The following SORCS3 variants were observed in gnomAD, a reference collection of about 807,000 sequenced individuals.
The protein encoded by SORCS3 is sortilin related VPS10 domain containing receptor 3.
SORCS3 carries 57 observed loss-of-function variants against 146.3 expected under a neutral mutation model. The observed-to-expected ratio is 0.39, with a 90% confidence interval of 0.31 to 0.49. The LOEUF is 0.49. Ranked by LOEUF, SORCS3 falls within the 20% of genes least tolerant of loss-of-function variation. The pLI, the probability that SORCS3 is intolerant of heterozygous loss-of-function variation, is 0.92. For missense variants in SORCS3, 1,341 were observed against 1,575.5 expected (o/e 0.85, Z 2.52); for synonymous variants, 653 against 618.5 (o/e 1.06, Z -0.83).
chr10:104,957,055 A>C (rs939169964), intron 3 of SORCS3, among the ~76,000 whole-genome samples: 2 of 152,170 alleles, frequency 1.3e-5, no homozygotes, highest in African/African-American at 2.4e-5. Context: ...TGCTGGGTGC[A>C]TGGACATTCA....
chr10:105,256,289 G>T (rs746266401), intron 24 of SORCS3, among the ~76,000 whole-genome samples: 27 of 152,116 alleles, frequency 1.8e-4, no homozygotes, highest in Non-Finnish European at 2.9e-4. Flanking sequence ...ATCTAAAAAG[G>T]CATGTCCCAT....
At chr10:105,043,968 TCTTA>T (rs749366160) in intron 5 of SORCS3, among the ~76,000 whole-genome samples, 3 of 152,180 alleles carry the variant, frequency 2.0e-5, no homozygotes, top group Non-Finnish European at 2.9e-5. Context: ...TGAAAATGAT[TCTTA>T]CTTTTATCTT....
chr10:104,915,692 T>C (rs2019019404), intron 2 of SORCS3, 141 bp from the exon 3 acceptor site: 1 of 679,098 alleles, frequency 1.5e-6, no homozygotes, highest in East Asian at 2.7e-5. Context: ...CTAAAATTAA[T>C]GGGGCTTTTT....
rs556745005 is a variant in SORCS3 at position 105,068,609 on chromosome 10, A to C, written c.1029-21166A>C. Among the ~76,000 whole-genome samples the C allele has an allele frequency of 4.9e-4, 75 of 152,294 alleles. 1 individual carries two copies. Among genetic ancestry groups the C allele is most frequent in the African/African-American group, 1.7e-3 (71 of 41,562 alleles). On this transcript the variant is annotated intron_variant, in intron 5 of 26. Transcript: ENST00000369701. The stretch of plus-strand genomic sequence containing the variant: ...AAACTTCTGCTGCTGAAGTCGAGAG[A>C]ATTATTTAAAAAAAATTAAAGCGTA...
chr10:105,060,208 T>G (rs1024062220), intron 5 of SORCS3, among the ~76,000 whole-genome samples: 2 of 152,152 alleles, frequency 1.3e-5, no homozygotes, highest in South Asian at 4.1e-4. Context: ...TTGTGGATCC[T>G]CTGGCATGGT....
At position 104,641,588 on chromosome 10, in the gene SORCS3, A is replaced by G; in HGVS notation, c.261A>G (p.Pro87=). ...CCGTGCTGGGGCGCCGGGCCGGACCAGAGCTGCTGCCCCAGCAGGGCGGCG... is the reference window on the plus strand; with the variant it reads ...CCGTGCTGGGGCGCCGGGCCGGACCGGAGCTGCTGCCCCAGCAGGGCGGCG... ...RAAVLGRRAG[P]ELLPQQGGGR... Residue 87 remains proline (P), a synonymous_variant, in exon 1 of 27, where the codon CCA becomes CCG. Transcript: ENST00000369701. This position sits in a 1 kb window ranked among gnomAD's most constrained non-coding sequence, Gnocchi z 6.4. 1 of 1,507,968 alleles carries G rather than the reference A, an allele frequency of 6.6e-7. No homozygotes were observed. The allele number at this position is 1,507,968 out of a possible 1,614,324, so 93.4% of individuals were successfully genotyped here. A position where few individuals can be genotyped will look rare whatever the true frequency, so the allele number is the denominator to read the frequency against.
chr10:104,677,871 G>C (rs962725095), intron 1 of SORCS3, among the ~76,000 whole-genome samples: 10 of 152,196 alleles, frequency 6.6e-5, no homozygotes, highest in Non-Finnish European at 1.2e-4. Flanking sequence ...GAGAGAGAGA[G>C]AGACTGACTG....
chr10:105,043,007 C>A, intron 4 of SORCS3, 48 bp from the exon 5 acceptor site: 1 of 1,531,152 alleles, frequency 6.5e-7, no homozygotes, highest in Non-Finnish European at 9.1e-7. Context: ...GTATTCATGC[C>A]CAGCAGTGGT....
chr10:105,193,864 G>A (rs969596551), intron 14 of SORCS3, among the ~76,000 whole-genome samples: 7 of 152,110 alleles, frequency 4.6e-5, no homozygotes, highest in Admixed American at 2.0e-4. Context: ...CATGTTAGCA[G>A]TGTAGGCATT....
intron 3 of SORCS3, among the ~76,000 whole-genome samples, chr10:104,977,112 CCTT>C (rs2054903658): frequency 1.3e-5 from 2 of 151,390 alleles, no homozygotes; most frequent in Non-Finnish European, 1.5e-5. Context: ...AAAAATGAAA[CCTT>C]CTTCTATATG....
At chr10:104,967,455 C>G (rs757044591) in intron 3 of SORCS3, among the ~76,000 whole-genome samples, 1 of 152,246 alleles carries the variant, frequency 6.6e-6, no homozygotes, top group African/African-American at 2.4e-5. Flanking sequence ...GCACATTGTA[C>G]AGCATATCTC....
chr10:104,861,826 A>G (rs1380903511), intron 2 of SORCS3, among the ~76,000 whole-genome samples: 4 of 152,064 alleles, frequency 2.6e-5, no homozygotes, highest in Non-Finnish European at 5.9e-5. Context: ...TGAGTCTGAG[A>G]TTGAGGTGTT....
intron 3 of SORCS3, among the ~76,000 whole-genome samples, chr10:104,967,455 C>T (rs757044591): frequency 5.3e-5 from 8 of 152,128 alleles, no homozygotes; most frequent in Non-Finnish European, 1.2e-4. Flanking sequence ...GCACATTGTA[C>T]AGCATATCTC....
intron 1 of SORCS3, among the ~76,000 whole-genome samples, chr10:104,820,277 G>T (rs554804501): frequency 6.6e-6 from 1 of 152,170 alleles, no homozygotes; most frequent in Admixed American, 6.5e-5. Flanking sequence ...GGGAACAATA[G>T]TAATCATAGG....
chr10:104,857,533 C>T (rs1010975927), intron 2 of SORCS3, among the ~76,000 whole-genome samples: 3 of 152,222 alleles, frequency 2.0e-5, no homozygotes, highest in African/African-American at 7.2e-5. Context: ...CATCTGCCAG[C>T]CCCTGTAGAA....
At chr10:105,011,767 C>T (rs1016218698) in intron 4 of SORCS3, among the ~76,000 whole-genome samples, 2 of 152,146 alleles carry the variant, frequency 1.3e-5, no homozygotes, top group Admixed American at 6.6e-5. Context: ...TTCCTCTTTC[C>T]ACCAGTGTTT....
intron 1 of SORCS3, among the ~76,000 whole-genome samples, chr10:104,678,767 T>C (rs2015940065): frequency 6.6e-6 from 1 of 152,196 alleles, no homozygotes; most frequent in Non-Finnish European, 1.5e-5. Context: ...TCAAAGTTGA[T>C]ACTATGGAGG....
intron 13 of SORCS3, among the ~76,000 whole-genome samples, chr10:105,170,758 C>A (rs2056353067): frequency 1.3e-5 from 2 of 152,140 alleles, no homozygotes; most frequent in Non-Finnish European, 2.9e-5. Context: ...TGGGAATTAT[C>A]CTTTGCACTC....
At position 105,088,070 on chromosome 10, in the gene SORCS3, G is replaced by A. The variant is rs896407797; in HGVS notation, c.1029-1705G>A. 1.3e-5 allele frequency among the ~76,000 whole-genome samples: 2 copies of A among 152,216 alleles called. 1 individual carries two copies. Among genetic ancestry groups the A allele is most frequent in the Non-Finnish European group, 2.9e-5 (2 of 68,040 alleles). On this transcript the variant is annotated intron_variant, in intron 5 of 26. Transcript: ENST00000369701. ...CTGCTGGAGGGGCAAGGCCCAGTGA[G>A]CTTGGAAAGAGGAATGAGAGTTCAC...
Sources: allele counts gnomAD v4.1 joint callset (sites outside exome capture counted in the v4.1 genomes callset), GRCh38; gene constraint gnomAD v4.1.1; non-coding constraint Gnocchi (gnomAD v3.1); transcripts MANE v1.5; gene names NCBI Gene and HGNC (gene_info 2026-07-23, HGNC 2026-07-21).